MEAF6: variants seen among roughly 807,000 people sequenced by gnomAD.
The protein encoded by MEAF6 is MYST/Esa1 associated factor 6.
MEAF6 carries 15 observed loss-of-function variants against 28.9 expected under a neutral mutation model. The observed-to-expected ratio is 0.52, with a 90% CI of 0.35 to 0.80. MEAF6 has a LOEUF of 0.80. MEAF6 is among the 30% of genes least tolerant of loss of function. The pLI, the probability that MEAF6 is intolerant of heterozygous loss-of-function variation, is 0.01. For synonymous variants in MEAF6, 97 were observed against 88.7 expected (o/e 1.09, Z -0.53); for missense variants, 178 against 237.5 (o/e 0.75, Z 1.65).
chr1:37,494,492 G>A (rs904173227), intron 6 of MEAF6, among the ~76,000 whole-genome samples: 1 of 129,994 alleles, frequency 7.7e-6, no homozygotes, highest in Non-Finnish European at 1.6e-5. Context: ...TCCAGCCTGG[G>A]TGACAAGAGT....
chr1:37,511,449 A>C (rs1315166956), intron 2 of MEAF6, among the ~76,000 whole-genome samples: 1 of 152,260 alleles, frequency 6.6e-6, no homozygotes, highest in African/African-American at 2.4e-5. Flanking sequence ...GGTGTATACT[A>C]AACAACTGAA....
chr1:37,512,699 G>A (rs529116957), intron 2 of MEAF6, among the ~76,000 whole-genome samples: 2 of 152,202 alleles, frequency 1.3e-5, no homozygotes, highest in Admixed American at 6.5e-5. Flanking sequence ...AGGCCTGCCT[G>A]AGCAACAAAG....
At position 37,501,935 on chromosome 1, in the gene MEAF6, C is replaced by G. The variant is rs747004013; in HGVS notation, c.402G>C (p.Glu134Asp). 6.2e-7 allele frequency: 1 copy of G among 1,611,194 alleles called. No homozygotes were observed. Among genetic ancestry groups the G allele is most frequent in the African/African-American group, 1.3e-5 (1 of 75,032 alleles). Residue 134 changes from glutamate (E) to aspartate (D), a missense_variant, in exon 5 of 7, where the codon GAG becomes GAC. Physicochemically the swap from Glu to Asp is conservative, Grantham distance 45 (BLOSUM62 2). Transcript: ENST00000296214. ...TSPDFHNQEN[E>D]PSQEDPEDLD... Reference sequence around the variant, plus strand: ...GATCCTCAGGGTCCTCCTGGCTGGGCTCATTTTCCTGATTGTGGAAGTCTG... The same window carrying G: ...GATCCTCAGGGTCCTCCTGGCTGGGGTCATTTTCCTGATTGTGGAAGTCTG...
Position 37,495,906 on chromosome 1 carries a change from C to T in MEAF6, c.546G>A (p.Lys182=). ...KNKNRHRIDL[K]LNKKPRADY is the part of the protein sequence containing the mutation. ...TTACAGCTCGTGGTTTTTTGTTTAA[C>T]TTCAGATCAATCCTGTGACAGAAAA... The change falls in exon 6 of 7, where the codon AAG becomes AAA. Residue 182 remains lysine (K), a synonymous_variant. Coordinates refer to ENST00000296214, the MANE Select transcript of MEAF6 (RefSeq NM_001270875.3). The T allele has an allele frequency of 6.2e-7, 1 of 1,613,936 alleles. No homozygotes were observed. The highest frequency in any genetic ancestry group is 2.2e-5 in the East Asian group (1 of 44,864).
In MEAF6 at chr1:37,501,991, G is replaced by A; in HGVS notation, c.346C>T (p.Pro116Ser). ...GTGTCACTTTCCGTCCCACTTCCTG[G>A]CTCCCCTGAAGGAAATAAAACACAA... The part of the protein sequence containing the change: ...VQDQLIEKRE[P>S]GSGTESDTSP... The change falls in exon 5 of 7, where the codon CCA becomes TCA. Residue 116 changes from proline to serine, a missense_variant. By Grantham distance (74) the Pro-to-Ser change is moderately conservative. Transcript: ENST00000296214. 2 of 1,598,974 alleles carry A rather than the reference G, an allele frequency of 1.3e-6. No individual in the cohort carries two copies. The highest frequency in any genetic ancestry group is 1.7e-6 in the Non-Finnish European group (2 of 1,169,296).
chr1:37,508,066 T>A (rs190855089), intron 4 of MEAF6, among the ~76,000 whole-genome samples: 1 of 152,038 alleles, frequency 6.6e-6, no homozygotes, highest in East Asian at 1.9e-4. Flanking sequence ...TTCAAGGTGA[T>A]GAAATACACA....
chr1:37,493,749 A>G lies in MEAF6; in HGVS notation c.*350T>C. ...TACTTTCAGCATAAAACAAAACCAG[A>G]GAACATTTCTTGAAGGGTATCACAG... On this transcript the variant is annotated 3_prime_UTR_variant, in exon 7 of 7. Coordinates refer to ENST00000296214, the MANE Select transcript of MEAF6 (RefSeq NM_001270875.3). 1 of 1,539,424 alleles carries G rather than the reference A, an allele frequency of 6.5e-7. No individual in the cohort carries two copies. Among genetic ancestry groups the G allele is most frequent in the Non-Finnish European group, 8.8e-7 (1 of 1,137,394 alleles).
rs1261747169 is a variant in MEAF6, at chr1:37,490,436, C to G, written c.*3663G>C. 1.3e-5 allele frequency among the ~76,000 whole-genome samples: 2 copies of G among 152,170 alleles called. No individual in the cohort carries two copies. The highest frequency in any genetic ancestry group is 4.8e-5 in the African/African-American group (2 of 41,432). ...CATCACCTTCCTAGGCACTATGACA[C>G]TATCCTGGGAGAAGCAAATGTGTAC... On this transcript the variant is annotated 3_prime_UTR_variant, in exon 7 of 7. Transcript: ENST00000296214.
At chr1:37,509,410 C>G (rs779308994) in intron 3 of MEAF6, 45 bp downstream of exon 3, 3 of 1,609,720 alleles carry the variant, frequency 1.9e-6, no homozygotes, top group Non-Finnish European at 2.5e-6. Context: ...AAACACATTC[C>G]CCAACAACAG....
intron 3 of MEAF6, 63 bp downstream of exon 3, chr1:37,509,392 T>C: frequency 3.1e-6 from 5 of 1,608,144 alleles, no homozygotes; most frequent in Non-Finnish European, 4.3e-6. Flanking sequence ...CAGAGGAAGG[T>C]AAAGAAAAAA....
chr1:37,504,845 T>C lies in MEAF6; in HGVS notation c.341-2849A>G, dbSNP rs568550380. On this transcript the variant is annotated intron_variant, in intron 4 of 6. Coordinates refer to ENST00000296214, the MANE Select transcript of MEAF6 (RefSeq NM_001270875.3). The stretch of plus-strand genomic sequence containing the variant: ...CACACACATTATCTATTTCTAAAAC[T>C]TGTCAAAAAAGGTCATGTGGTAGCA... Among the ~76,000 whole-genome samples the C allele has an allele frequency of 6.0e-5, 9 of 149,100 alleles. No individual in the cohort carries two copies. In the East Asian group the frequency reaches 1.8e-3, roughly 30 times the overall value.
intron 1 of MEAF6, 27 bp downstream of exon 1, chr1:37,514,630 C>A (rs1423655277): frequency 4.7e-6 from 7 of 1,481,366 alleles, no homozygotes; most frequent in African/African-American, 4.4e-5. Context: ...AGCCCCATGC[C>A]GTGCAACCCC....
chr1:37,502,085 A>G, intron 4 of MEAF6, 89 bp from the exon 5 acceptor site: 2 of 1,082,182 alleles, frequency 1.8e-6, no homozygotes, highest in Non-Finnish European at 2.6e-6. Flanking sequence ...TAGGTAGAAA[A>G]AAACCATTCC....
At chr1:37,499,407 A>G (rs1296649617) in intron 5 of MEAF6, among the ~76,000 whole-genome samples, 1 of 152,220 alleles carries the variant, frequency 6.6e-6, no homozygotes, top group African/African-American at 2.4e-5. Flanking sequence ...CCCCACCCCA[A>G]TCTGCCAGCC....
In MEAF6 at chr1:37,514,709, G is replaced by A; in HGVS notation, c.38C>T (p.Pro13Leu). ...CTCCGCCAGCTCCCGCCGGGTGTCC[G>A]GGATCTGCGGCGGCGCCGCCTTGTT... ...MHNKAAPPQIPDTRRELAELV... is the reference protein window; with the variant it reads ...MHNKAAPPQILDTRRELAELV... The change falls in exon 1 of 7, where the codon CCG (proline) becomes CTG (leucine). Residue 13 changes from proline to leucine, a missense_variant. Coordinates refer to ENST00000296214, the MANE Select transcript of MEAF6 (RefSeq NM_001270875.3). 1 of 1,541,262 alleles carries A rather than the reference G, an allele frequency of 6.5e-7. No individual in the cohort carries two copies.
At position 37,508,274 on chromosome 1, in the gene MEAF6, C is replaced by CTTTTT. The variant is rs577291632; in HGVS notation, c.340+999_340+1003dup. 1.2e-4 allele frequency among the ~76,000 whole-genome samples: 10 copies of CTTTTT among 83,908 alleles called. 1 individual carries two copies. Among genetic ancestry groups the CTTTTT allele is most frequent in the African/African-American group, 1.8e-4 (4 of 22,706 alleles). The allele number at this position is 83,908 out of a possible 152,430, so 55.0% of individuals were successfully genotyped here. On this transcript the variant is annotated intron_variant, in intron 4 of 6. Coordinates refer to ENST00000296214, the MANE Select transcript of MEAF6 (RefSeq NM_001270875.3). ...CATCCTATTTACAGGATGAGCATTT[C>CTTTTT]TTTTTTTTTTTTTTTTTTTTTTTTT...
At chr1:37,503,658 CAAA>C (rs773565571) in intron 4 of MEAF6, among the ~76,000 whole-genome samples, 1 of 47,926 alleles carries the variant, frequency 2.1e-5, no homozygotes. Flanking sequence ...AAGACTGTCT[CAAA>C]AAAAAAAAAA....
intron 5 of MEAF6, among the ~76,000 whole-genome samples, chr1:37,500,489 A>C (rs1156403594): frequency 6.6e-6 from 1 of 152,198 alleles, no homozygotes; most frequent in African/African-American, 2.4e-5. Context: ...GAAGAGGTAG[A>C]TATACAATTT....
At chr1:37,506,878 G>T (rs972383356) in intron 4 of MEAF6, among the ~76,000 whole-genome samples, 1 of 152,152 alleles carries the variant, frequency 6.6e-6, no homozygotes, top group African/African-American at 2.4e-5. Context: ...TAATACATAA[G>T]TGTTTGTCTT....
Sources: gnomAD v4.1 joint callset for allele counts (sites outside exome capture counted in the v4.1 genomes callset) on GRCh38, gnomAD v4.1.1 for gene constraint, MANE v1.5 for transcripts, NCBI Gene and HGNC (gene_info 2026-07-23, HGNC 2026-07-21) for gene names.